CCSER1: variants seen among roughly 807,000 people sequenced by gnomAD.
The protein encoded by CCSER1 is serine-rich coiled-coil domain-containing protein 1.
CCSER1 carries 41 observed loss-of-function variants against 82.0 expected under a neutral mutation model. That is an observed-to-expected ratio of 0.50 (90% CI 0.39 to 0.65). The LOEUF (loss-of-function observed/expected upper bound fraction) is 0.65, where lower values mean the gene tolerates loss of function less well. CCSER1 is among the 30% of genes least tolerant of loss of function. The pLI is 0.00. For synonymous variants in CCSER1, 414 were observed against 383.9 expected (o/e 1.08, Z -0.92); for missense variants, 1,119 against 1,064.2 (o/e 1.05, Z -0.72).
intron 10 of CCSER1, among the ~76,000 whole-genome samples, chr4:91,426,506 T>TAA (rs552289843): frequency 6.9e-6 from 1 of 144,314 alleles, no homozygotes; most frequent in African/African-American, 2.5e-5. Flanking sequence ...GACCACGATT[T>TAA]AAAAAAAAAA....
chr4:90,566,574 T>A (rs1168480308), intron 5 of CCSER1, among the ~76,000 whole-genome samples: 1 of 151,976 alleles, frequency 6.6e-6, no homozygotes, highest in Non-Finnish European at 1.5e-5. Context: ...GGTTATTCAT[T>A]TTGTTGGTGT....
At chr4:90,913,179 G>A (rs4692956) in intron 8 of CCSER1, among the ~76,000 whole-genome samples, 89,398 of 151,866 alleles carry the variant, frequency 0.59, 27,725 homozygotes, top group African/African-American at 0.79. Flanking sequence ...TCCAAGACAC[G>A]TAGTTGTCAG....
At chr4:91,379,332 G>A (rs1011415086) in intron 10 of CCSER1, among the ~76,000 whole-genome samples, 10 of 152,152 alleles carry the variant, frequency 6.6e-5, no homozygotes, top group Non-Finnish European at 1.3e-4. Context: ...AATGGTCCCA[G>A]CTCCTCCTTG....
intron 1 of CCSER1, among the ~76,000 whole-genome samples, chr4:90,189,073 T>C (rs914730261): frequency 2.6e-5 from 4 of 151,980 alleles, no homozygotes; most frequent in African/African-American, 9.7e-5. Context: ...GACAGCAGGG[T>C]TGCAAAAATT....
rs143653977 is a variant in CCSER1 at position 91,082,914 on chromosome 4, G to C, written c.2173-3036G>C. Among the ~76,000 whole-genome samples the C allele has an allele frequency of 8.6e-3, 1,306 of 152,298 alleles. 14 individuals are homozygous for C. Among genetic ancestry groups the C allele is most frequent in the African/African-American group, 0.03 (1,255 of 41,560 alleles). On this transcript the variant is annotated intron_variant, in intron 9 of 10. Coordinates refer to ENST00000509176, the MANE Select transcript of CCSER1 (RefSeq NM_001145065.2). ...ATCATTAAAAAGTCAGGAAACTACA[G>C]ATGCTGGAGAGGATGTGGAGAAATA...
chr4:90,187,402 G>C (rs1278905442), intron 1 of CCSER1, among the ~76,000 whole-genome samples: 1 of 141,992 alleles, frequency 7.0e-6, no homozygotes, highest in Non-Finnish European at 1.5e-5. Context: ...CATACCTTGT[G>C]GTAGATGGTA....
intron 10 of CCSER1, among the ~76,000 whole-genome samples, chr4:91,216,163 G>A (rs1737218892): frequency 6.6e-6 from 1 of 152,118 alleles, no homozygotes; most frequent in South Asian, 2.1e-4. Context: ...TAATTTGTCA[G>A]ACCTGCAGCT....
intron 10 of CCSER1, among the ~76,000 whole-genome samples, chr4:91,372,379 C>T (rs993588370): frequency 1.3e-5 from 2 of 151,986 alleles, no homozygotes; most frequent in African/African-American, 2.4e-5. Context: ...TTCCAGTTAC[C>T]CATATCCTGT....
chr4:91,412,671 A>G (rs1057369761), intron 10 of CCSER1, among the ~76,000 whole-genome samples: 2 of 152,172 alleles, frequency 1.3e-5, no homozygotes, highest in Middle Eastern at 3.4e-3. Context: ...CCCACCAGAC[A>G]ATTATCTTTT....
rs920669068 is a variant in CCSER1 at position 91,601,425 on chromosome 4, G to A, written c.*2368G>A. ...GTTATAATATTATTTGTAATACTAAGTGTAACTCAGGCCTGGAGAAGGTGT... is the reference window on the plus strand; with the variant it reads ...GTTATAATATTATTTGTAATACTAAATGTAACTCAGGCCTGGAGAAGGTGT... On this transcript the variant is annotated 3_prime_UTR_variant, in exon 11 of 11. Coordinates refer to ENST00000509176, the MANE Select transcript of CCSER1 (RefSeq NM_001145065.2). 2.6e-5 allele frequency: 4 copies of A among 152,060 alleles called. No homozygotes were observed. Among genetic ancestry groups the A allele is most frequent in the South Asian group, 2.1e-4 (1 of 4,824 alleles). 9.4% of individuals were successfully genotyped at this position (152,060 alleles called of 1,614,324 possible). A position where few individuals can be genotyped will look rare whatever the true frequency, so the allele number is the denominator to read the frequency against.
intron 8 of CCSER1, among the ~76,000 whole-genome samples, chr4:90,830,588 C>A (rs1461165271): frequency 6.6e-6 from 1 of 152,052 alleles, no homozygotes; most frequent in Non-Finnish European, 1.5e-5. Flanking sequence ...AATGAGAGAT[C>A]CTTAAAATTC....
intron 10 of CCSER1, among the ~76,000 whole-genome samples, chr4:91,594,388 TATAC>T (rs1455952286): frequency 4.5e-4 from 65 of 143,104 alleles, no homozygotes; most frequent in African/African-American, 1.6e-3. Flanking sequence ...TACACACATA[TATAC>T]ATATATACAC....
At chr4:90,584,797 C>G (rs535772875) in intron 5 of CCSER1, among the ~76,000 whole-genome samples, 1 of 151,992 alleles carries the variant, frequency 6.6e-6, no homozygotes, top group South Asian at 2.1e-4. Flanking sequence ...TGTTTTAGTT[C>G]AATTTTTAAA....
chr4:90,632,667 T>G (rs972790182), intron 6 of CCSER1, among the ~76,000 whole-genome samples: 13 of 152,114 alleles, frequency 8.5e-5, no homozygotes, highest in African/African-American at 3.1e-4. Flanking sequence ...GGTGAGGACT[T>G]TCTCAGTGTC....
chr4:90,810,491 T>C (rs1343181538), intron 7 of CCSER1, among the ~76,000 whole-genome samples: 1 of 151,772 alleles, frequency 6.6e-6, no homozygotes. Flanking sequence ...CTACTAAAAA[T>C]ACAAAAAATT....
At chr4:91,285,270 G>A (rs1021333696) in intron 10 of CCSER1, among the ~76,000 whole-genome samples, 7 of 139,420 alleles carry the variant, frequency 5.0e-5, no homozygotes, top group Non-Finnish European at 9.3e-5. Flanking sequence ...TTTTTAAGAT[G>A]TGTCTCTTTT....
Position 90,359,157 on chromosome 4 carries a change from A to G in CCSER1, c.1510-40879A>G, listed in dbSNP as rs186041741. Among the ~76,000 whole-genome samples the G allele has an allele frequency of 2.0e-5, 3 of 152,282 alleles. No individual in the cohort carries two copies. The East Asian group carries it at 5.8e-4, about 29-fold the overall frequency. On this transcript the variant is annotated intron_variant, in intron 3 of 10. Transcript: ENST00000509176. ...GTGATAGTCTAGTTGAGCCTGAGCA[A>G]TAAGTTTTGAATAGGAACAACAGAA...
chr4:91,499,837 G>A (rs376828880), intron 10 of CCSER1, among the ~76,000 whole-genome samples: 1 of 151,944 alleles, frequency 6.6e-6, no homozygotes, highest in Non-Finnish European at 1.5e-5. Flanking sequence ...GATGAATAAT[G>A]TTCCCTTTCT....
chr4:90,996,741 T>C (rs906010871), intron 9 of CCSER1, among the ~76,000 whole-genome samples: 1 of 152,206 alleles, frequency 6.6e-6, no homozygotes, highest in African/African-American at 2.4e-5. Context: ...AAAAATGTTA[T>C]TGAAATGAAA....
Sources: gnomAD v4.1 joint callset for allele counts (sites outside exome capture counted in the v4.1 genomes callset) on GRCh38, gnomAD v4.1.1 for gene constraint, MANE v1.5 for transcripts, NCBI Gene and HGNC (gene_info 2026-07-23, HGNC 2026-07-21) for gene names.